DNM2: variants seen among roughly 807,000 people sequenced by gnomAD.
The protein encoded by DNM2 is dynamin 2.
A neutral mutation model predicts 99.0 loss-of-function variants in DNM2; 15 were observed. The observed-to-expected ratio is 0.15, with a 90% CI of 0.10 to 0.23. The LOEUF (loss-of-function observed/expected upper bound fraction) is 0.23, where lower values mean the gene tolerates loss of function less well. DNM2 is among the 10% of genes least tolerant of loss of function. DNM2 has a pLI of 1.00. For missense variants in DNM2, 742 were observed against 1,189.4 expected (o/e 0.62, Z 5.53); for synonymous variants, 525 against 481.2 (o/e 1.09, Z -1.19).
chr19:10,727,044 G>A (rs928818828), intron 1 of DNM2, among the ~76,000 whole-genome samples: 1 of 152,128 alleles, frequency 6.6e-6, no homozygotes. Context: ...TGTTTAAAAC[G>A]ATTGTATTTG....
chr19:10,828,266 G>C (rs566449162), intron 18 of DNM2, among the ~76,000 whole-genome samples: 1 of 147,580 alleles, frequency 6.8e-6, no homozygotes, highest in East Asian at 2.1e-4. Context: ...GGGTGACAGA[G>C]TGAGACTCTG....
At chr19:10,739,428 C>T (rs757919530) in intron 1 of DNM2, among the ~76,000 whole-genome samples, 15 of 152,280 alleles carry the variant, frequency 9.9e-5, no homozygotes, top group Non-Finnish European at 2.1e-4. Flanking sequence ...TCCTCCCTCC[C>T]CCAGCACCTG....
In DNM2 at chr19:10,820,136, G is replaced by A. The variant is rs896349252; in HGVS notation, c.1781+47G>A. ...GGATGGCTCGGGGTGAAGACCAATGGCCTCATTCACACTCCACAACCTTCA... is the reference window on the plus strand; with the variant it reads ...GGATGGCTCGGGGTGAAGACCAATGACCTCATTCACACTCCACAACCTTCA... On this transcript the variant is annotated intron_variant, in intron 16 of 20. Coordinates refer to ENST00000389253, the MANE Select transcript of DNM2 (RefSeq NM_001005361.3). This position sits in a 1 kb window ranked among gnomAD's most constrained non-coding sequence, Gnocchi z 4.3. 4 of 1,576,778 alleles carry A rather than the reference G, an allele frequency of 2.5e-6. No individual in the cohort carries two copies. The Admixed American group carries it at 5.0e-5, about 20-fold the overall frequency.
At chr19:10,745,025 A>T (rs1490349416) in intron 1 of DNM2, among the ~76,000 whole-genome samples, 1 of 152,224 alleles carries the variant, frequency 6.6e-6, no homozygotes, top group Non-Finnish European at 1.5e-5. Context: ...GTTATAAAAA[A>T]GTTATAAAAG....
chr19:10,821,043 T>G (rs2072952526), intron 16 of DNM2, among the ~76,000 whole-genome samples: 1 of 152,166 alleles, frequency 6.6e-6, no homozygotes. Flanking sequence ...GGTGGTACCC[T>G]GAGACCTGTA....
intron 1 of DNM2, among the ~76,000 whole-genome samples, chr19:10,727,388 C>T (rs547795960): frequency 5.3e-5 from 8 of 151,220 alleles, no homozygotes; most frequent in African/African-American, 1.5e-4. Flanking sequence ...TTTTTTGAGA[C>T]GGGATCTCAC....
rs542089703 is a variant in DNM2 at position 10,796,064 on chromosome 19, C to A, written c.1196+625C>A. 1.2e-6 allele frequency: 2 copies of A among 1,613,550 alleles called. No homozygotes were observed. Among genetic ancestry groups the A allele is most frequent in the South Asian group, 1.1e-5 (1 of 91,054 alleles). On this transcript the variant is annotated intron_variant, in intron 9 of 20. Transcript: ENST00000389253. This position sits in a 1 kb window ranked among gnomAD's most constrained non-coding sequence, Gnocchi z 5.6. Reference sequence around the variant, plus strand: ...CCCCGGGTCTGGACGGTTTCAGGACCGGGCTTTTCACCCCGGACTTGGCAT... The same window carrying A: ...CCCCGGGTCTGGACGGTTTCAGGACAGGGCTTTTCACCCCGGACTTGGCAT...
In DNM2 at chr19:10,831,242, T is replaced by C; in HGVS notation, c.*195T>C. On this transcript the variant is annotated 3_prime_UTR_variant, in exon 21 of 21. Coordinates refer to ENST00000389253, the MANE Select transcript of DNM2 (RefSeq NM_001005361.3). This position sits in a 1 kb window ranked among gnomAD's most constrained non-coding sequence, Gnocchi z 4.3. ...GACACCGCACTGCGCAAAGGGGCCC[T>C]GGAGCTCCAGGCAGGGGGCGCTGGG... The C allele has an allele frequency of 1.5e-6, 2 of 1,324,238 alleles. No individual in the cohort carries two copies. Among genetic ancestry groups the C allele is most frequent in the Non-Finnish European group, 1.9e-6 (2 of 1,040,736 alleles). The allele number at this position is 1,324,238 out of a possible 1,614,324, so 82.0% of individuals were successfully genotyped here.
intron 1 of DNM2, among the ~76,000 whole-genome samples, chr19:10,743,201 C>G (rs79341633): frequency 2.6e-5 from 4 of 151,922 alleles, no homozygotes; most frequent in African/African-American, 9.7e-5. Context: ...CCACCACGCC[C>G]GGCCGTGATG....
intron 2 of DNM2, among the ~76,000 whole-genome samples, chr19:10,766,098 G>A (rs985733865): frequency 5.9e-5 from 9 of 152,192 alleles, no homozygotes; most frequent in Non-Finnish European, 1.2e-4. Flanking sequence ...GTGTCGCTAG[G>A]CTGTGAAACC....
chr19:10,803,655 C>T, intron 12 of DNM2: 1 of 986,288 alleles, frequency 1.0e-6, no homozygotes, highest in South Asian at 4.7e-5. Flanking sequence ...CTATACTGAG[C>T]AGCTGGTGAC....
At chr19:10,828,924 CAA>C (rs1568323916) in intron 18 of DNM2, 110 bp from the exon 19 acceptor site, 1 of 1,154,304 alleles carries the variant, frequency 8.7e-7, no homozygotes, top group Non-Finnish European at 1.3e-6. Context: ...GACTCTTTTT[CAA>C]AAAAGTCTGG....
At position 10,811,305 on chromosome 19, in the gene DNM2, G is replaced by A. The variant is rs534003134; in HGVS notation, c.1558-959G>A. 4 of 198,314 alleles carry A rather than the reference G, an allele frequency of 2.0e-5. No individual in the cohort carries two copies. The highest frequency in any genetic ancestry group is 4.7e-5 in the African/African-American group (2 of 42,430). The allele number at this position is 198,314 out of a possible 1,614,324, so 12.3% of individuals were successfully genotyped here. On this transcript the variant is annotated intron_variant, in intron 14 of 20. Coordinates refer to ENST00000389253, the MANE Select transcript of DNM2 (RefSeq NM_001005361.3). This position sits in a 1 kb window ranked among gnomAD's most constrained non-coding sequence, Gnocchi z 5.4. ...CAGAATGTCAGGCCCGGGGTGGGTC[G>A]GGGTAGTCCGGATGAAGCCCCTCCA...
At chr19:10,828,323 C>T (rs900910503) in intron 18 of DNM2, among the ~76,000 whole-genome samples, 1 of 152,002 alleles carries the variant, frequency 6.6e-6, no homozygotes, top group East Asian at 1.9e-4. Context: ...CGCGGTGGCT[C>T]ACGCCTGTAA....
intron 16 of DNM2, among the ~76,000 whole-genome samples, chr19:10,822,500 A>T (rs1031563694): frequency 6.7e-5 from 10 of 149,544 alleles, no homozygotes; most frequent in Admixed American, 3.3e-4. Context: ...CTTTACAAAA[A>T]TTTTTTTGTT....
rs778468267 is a variant in DNM2 at position 10,811,849 on chromosome 19, C to T, written c.1558-415C>T. The T allele has an allele frequency of 2.0e-6, 1 of 510,146 alleles. No individual in the cohort carries two copies. The highest frequency in any genetic ancestry group is 5.5e-5 in the East Asian group (1 of 18,046). The allele number at this position is 510,146 out of a possible 1,614,324, so 31.6% of individuals were successfully genotyped here. On this transcript the variant is annotated intron_variant, in intron 14 of 20. Transcript: ENST00000389253. The surrounding 1 kb of genome is among the most constrained non-coding windows in gnomAD (Gnocchi z 5.4). ...TCCTTCAATGTCCTTGGGGAGGGCC[C>T]CTGGGCTCACACCTTTGACCCTAGC...
intron 1 of DNM2, among the ~76,000 whole-genome samples, chr19:10,720,175 G>T (rs189685502): frequency 3.6e-4 from 54 of 151,684 alleles, no homozygotes; most frequent in Non-Finnish European, 7.4e-4. Context: ...AGTCTTGGTT[G>T]ACTCTCCTAA....
At position 10,811,933 on chromosome 19, in the gene DNM2, G is replaced by A. The variant is rs1243376453; in HGVS notation, c.1558-331G>A. The A allele has an allele frequency of 4.4e-6, 2 of 456,346 alleles. No homozygotes were observed. Among genetic ancestry groups the A allele is most frequent in the Non-Finnish European group, 8.8e-6 (2 of 228,086 alleles). 28.3% of individuals were successfully genotyped at this position (456,346 alleles called of 1,614,324 possible). A position where few individuals can be genotyped will look rare whatever the true frequency, so the allele number is the denominator to read the frequency against. On this transcript the variant is annotated intron_variant, in intron 14 of 20. Coordinates refer to ENST00000389253, the MANE Select transcript of DNM2 (RefSeq NM_001005361.3). This position sits in a 1 kb window ranked among gnomAD's most constrained non-coding sequence, Gnocchi z 5.4. ...TCACGCAAACAAGTGCAGTTCCTCA[G>A]ATGTCACATTTCATGTGCCACAGCC...
chr19:10,749,388 G>T (rs1220018007), intron 1 of DNM2, among the ~76,000 whole-genome samples: 1 of 152,232 alleles, frequency 6.6e-6, no homozygotes, highest in Non-Finnish European at 1.5e-5. Flanking sequence ...CCTCCCAGCT[G>T]CACCCTTCCC....
Sources: gnomAD v4.1 joint callset for allele counts (sites outside exome capture counted in the v4.1 genomes callset) on GRCh38, gnomAD v4.1.1 for gene constraint, Gnocchi (gnomAD v3.1) non-coding constraint, MANE v1.5 for transcripts, NCBI Gene and HGNC (gene_info 2026-07-23, HGNC 2026-07-21) for gene names.